The following TMEM131 variants were observed in gnomAD, a reference collection of about 807,000 sequenced individuals.
The protein encoded by TMEM131 is 2610524E03Rik.
TMEM131 carries 66 observed loss-of-function variants against 211.6 expected under a neutral mutation model. That is an observed-to-expected ratio of 0.31 (90% CI 0.26 to 0.38). The LOEUF (loss-of-function observed/expected upper bound fraction) is 0.38, where lower values mean the gene tolerates loss of function less well. TMEM131 is among the 10% of genes least tolerant of loss of function. The probability of loss-of-function intolerance (pLI) is 1.00; values close to 1 mark genes in which losing one functional copy is unlikely to be tolerated. For missense variants in TMEM131, 2,036 were observed against 2,299.3 expected (o/e 0.89, Z 2.34); for synonymous variants, 844 against 841.3 (o/e 1.00, Z -0.06).
intron 25 of TMEM131, among the ~76,000 whole-genome samples, chr2:97,799,104 A>G (rs1366700941): frequency 6.6e-6 from 1 of 152,056 alleles, no homozygotes; most frequent in African/African-American, 2.4e-5. Context: ...CTATTTTCAT[A>G]ATAATACCGA....
Position 97,796,900 on chromosome 2 carries a change from G to C in TMEM131, c.2957C>G (p.Pro986Arg). The change falls in exon 27 of 41, where the codon CCA becomes CGA. Residue 986 changes from proline (P) to arginine (R), a missense_variant. Physicochemically the swap from Pro to Arg is moderately radical, Grantham distance 103. Transcript: ENST00000186436. ...NLRVAGKLPG[P>R]GSSLRFKITE... Reference sequence around the variant, plus strand: ...GATTTTAAAGCGTAAGGAGCTTCCTGGACCTGGAAGCTTGCCTGCCACCCT... The same window carrying C: ...GATTTTAAAGCGTAAGGAGCTTCCTCGACCTGGAAGCTTGCCTGCCACCCT... 6.2e-7 allele frequency: 1 copy of C among 1,613,922 alleles called. No homozygotes were observed. Among genetic ancestry groups the C allele is most frequent in the African/African-American group, 1.3e-5 (1 of 75,050 alleles).
intron 2 of TMEM131, among the ~76,000 whole-genome samples, chr2:97,914,839 T>C (rs1676441972): frequency 6.6e-6 from 1 of 152,278 alleles, no homozygotes; most frequent in African/African-American, 2.4e-5. Flanking sequence ...TATGAACATT[T>C]ATATACATGT....
Position 97,908,845 on chromosome 2 carries a change from C to A in TMEM131, c.250-147G>T, listed in dbSNP as rs1176059128. 8.5e-6 allele frequency: 5 copies of A among 587,842 alleles called. No individual in the cohort carries two copies. The East Asian group carries it at 1.5e-4, about 17-fold the overall frequency. The allele number at this position is 587,842 out of a possible 1,614,324, so 36.4% of individuals were successfully genotyped here. A position where few individuals can be genotyped will look rare whatever the true frequency, so the allele number is the denominator to read the frequency against. On this transcript the variant is annotated intron_variant, in intron 2 of 40. Transcript: ENST00000186436. ...AAGGTTAAACCTGGTCTCCAAATCA[C>A]ATACAATGACTAGATCAAATTGTAA...
At position 97,947,452 on chromosome 2, in the gene TMEM131, TAATAACAGCAAGG is replaced by T. The variant is rs1678096497; in HGVS notation, c.188-19978_188-19966del. ...AACATATAAAAATCAATCATATTTC[TAATAACAGCAAGG>T]AACAACTGGAAAATAAAAATCAAAA... On this transcript the variant is annotated intron_variant, in intron 1 of 40. Coordinates refer to ENST00000186436, the MANE Select transcript of TMEM131 (RefSeq NM_015348.2). 3.9e-5 allele frequency among the ~76,000 whole-genome samples: 6 copies of T among 152,164 alleles called. No homozygotes were observed. The South Asian group carries it at 1.2e-3, about 32-fold the overall frequency.
At chr2:97,760,312 G>A in intron 38 of TMEM131, 1 of 471,932 alleles carries the variant, frequency 2.1e-6, no homozygotes, top group East Asian at 4.0e-5. Context: ...CACAGACCAG[G>A]AGATGGAGGA....
chr2:97,896,378 T>G (rs7591374), intron 3 of TMEM131, among the ~76,000 whole-genome samples: 1 of 151,886 alleles, frequency 6.6e-6, no homozygotes, highest in Non-Finnish European at 1.5e-5. Flanking sequence ...CTATTAGGTT[T>G]GCTTGGTCCA....
At chr2:97,892,492 C>A (rs1675421123) in intron 3 of TMEM131, among the ~76,000 whole-genome samples, 1 of 152,152 alleles carries the variant, frequency 6.6e-6, no homozygotes, top group African/African-American at 2.4e-5. Context: ...TCCCAAGCAG[C>A]TGGGACTACA....
At chr2:97,883,095 T>A (rs1246165706) in intron 4 of TMEM131, among the ~76,000 whole-genome samples, 1 of 152,102 alleles carries the variant, frequency 6.6e-6, no homozygotes, top group Non-Finnish European at 1.5e-5. Flanking sequence ...AGTAGCTCTA[T>A]GGGGCCTCTC....
intron 1 of TMEM131, among the ~76,000 whole-genome samples, chr2:97,949,553 G>A (rs1202408474): frequency 6.6e-6 from 1 of 151,824 alleles, no homozygotes; most frequent in Non-Finnish European, 1.5e-5. Context: ...GGTGGCTCAC[G>A]CCTGTAATCC....
chr2:97,885,385 G>T (rs907034788), intron 4 of TMEM131, among the ~76,000 whole-genome samples: 1 of 150,810 alleles, frequency 6.6e-6, no homozygotes, highest in Non-Finnish European at 1.5e-5. Flanking sequence ...TAGTAGAGAC[G>T]GGGTTTCACC....
chr2:97,847,082 G>T (rs1178634616), intron 5 of TMEM131, among the ~76,000 whole-genome samples: 3 of 109,314 alleles, frequency 2.7e-5, no homozygotes, highest in East Asian at 3.1e-4. Context: ...GGGGGGGGGG[G>T]GGGGGCCGAG....
At position 97,756,554 on chromosome 2, in the gene TMEM131, T is replaced by C. The variant is rs993293033; in HGVS notation, c.*545A>G. The C allele has an allele frequency of 6.6e-6, 1 of 152,310 alleles. No homozygotes were observed. 9.4% of individuals were successfully genotyped at this position (152,310 alleles called of 1,614,324 possible). ...TTACATTCATTCACCGTTCTTAAGTTGACTTACATTTCTGTAATCTGCTTT... is the reference window on the plus strand; with the variant it reads ...TTACATTCATTCACCGTTCTTAAGTCGACTTACATTTCTGTAATCTGCTTT... On this transcript the variant is annotated 3_prime_UTR_variant, in exon 41 of 41. Transcript: ENST00000186436.
intron 3 of TMEM131, among the ~76,000 whole-genome samples, chr2:97,904,755 A>C (rs1315561947): frequency 6.8e-6 from 1 of 147,772 alleles, no homozygotes; most frequent in Non-Finnish European, 1.5e-5. Flanking sequence ...GTATTCATTT[A>C]GTATTTCATT....
intron 5 of TMEM131, among the ~76,000 whole-genome samples, chr2:97,847,508 A>C (rs1216951075): frequency 6.6e-6 from 1 of 152,234 alleles, no homozygotes; most frequent in Non-Finnish European, 1.5e-5. Flanking sequence ...TGAAAACTAT[A>C]AAACACTACT....
chr2:97,929,791 C>G (rs1467525454), intron 1 of TMEM131, among the ~76,000 whole-genome samples: 3 of 151,754 alleles, frequency 2.0e-5, no homozygotes, highest in African/African-American at 7.3e-5. Context: ...CCTTTTTGCT[C>G]AGGTACAATA....
At chr2:97,812,345 G>A in intron 17 of TMEM131, 76 bp downstream of exon 17, 1 of 1,460,188 alleles carries the variant, frequency 6.8e-7, no homozygotes, top group Non-Finnish European at 9.3e-7. Flanking sequence ...AGTGATACAT[G>A]TAGCATAGCA....
chr2:97,966,928 G>A (rs1460106895), intron 1 of TMEM131, among the ~76,000 whole-genome samples: 2 of 151,940 alleles, frequency 1.3e-5, no homozygotes, highest in Non-Finnish European at 2.9e-5. Flanking sequence ...AAGATGACAA[G>A]ACTAATCACT....
At chr2:97,779,685 C>G (rs1477258926) in intron 31 of TMEM131, among the ~76,000 whole-genome samples, 1 of 152,202 alleles carries the variant, frequency 6.6e-6, no homozygotes, top group Non-Finnish European at 1.5e-5. Flanking sequence ...ATCTATTTAA[C>G]AAGACCTCCA....
Position 97,792,648 on chromosome 2 carries a change from G to C in TMEM131, c.3882C>G (p.Ala1294=), listed in dbSNP as rs1680556789. The change falls in exon 31 of 41, where the codon GCC becomes GCG. Residue 1294 remains alanine, a synonymous_variant. Transcript: ENST00000186436. Reference sequence around the variant, plus strand: ...GAGGGTGCTGCTCCAGCGGGCTGTGGGCATGGTGCTGGCTGCCGTGCTGGC... The same window carrying C: ...GAGGGTGCTGCTCCAGCGGGCTGTGCGCATGGTGCTGGCTGCCGTGCTGGC... The part of the protein sequence containing the change: ...KQSQHGSQHH[A]HSPLEQHPQP... 2.5e-6 allele frequency: 4 copies of C among 1,613,898 alleles called. No homozygotes were observed. In the African/African-American group the frequency reaches 4.0e-5, roughly 16 times the overall value.
Sources: gnomAD v4.1 joint callset for allele counts (sites outside exome capture counted in the v4.1 genomes callset) on GRCh38, gnomAD v4.1.1 for gene constraint, MANE v1.5 for transcripts, NCBI Gene and HGNC (gene_info 2026-07-23, HGNC 2026-07-21) for gene names.